The following CEP152 variants were observed in gnomAD, a reference collection of about 807,000 sequenced individuals.
The protein encoded by CEP152 is centrosomal protein 152, also known as centrosomal protein of 152 kDa.
A neutral mutation model predicts 188.9 loss-of-function variants in CEP152; 132 were observed. The ratio of observed to expected loss-of-function variants is 0.70; its 90% CI spans 0.61 to 0.81. The LOEUF is 0.81. Among genes scored for constraint, CEP152 ranks in the 30% least tolerant of loss-of-function variants. The probability of loss-of-function intolerance (pLI) is 0.00; values close to 1 mark genes in which losing one functional copy is unlikely to be tolerated. For missense variants in CEP152, 1,914 were observed against 1,969.8 expected, an observed-to-expected ratio of 0.97 and a Z score of 0.54; for synonymous variants, 649 against 666.6, an observed-to-expected ratio of 0.97 and a Z score of 0.41.
At chr15:48,776,932 G>T (rs1424077656) in intron 12 of CEP152, among the ~76,000 whole-genome samples, 1 of 151,846 alleles carries the variant, frequency 6.6e-6, no homozygotes, top group Non-Finnish European at 1.5e-5. Context: ...GACAGTATCT[G>T]CCCTTAAGAT....
intron 17 of CEP152, among the ~76,000 whole-genome samples, chr15:48,766,625 G>A (rs1325991725): frequency 1.3e-5 from 2 of 152,086 alleles, no homozygotes; most frequent in Non-Finnish European, 2.9e-5. Flanking sequence ...CTTCTCCCCA[G>A]AAGAATAAAA....
chr15:48,743,612 C>T (rs377601009), intron 24 of CEP152, among the ~76,000 whole-genome samples: 4 of 152,162 alleles, frequency 2.6e-5, no homozygotes, highest in Non-Finnish European at 5.9e-5. Flanking sequence ...CCCGTAATCC[C>T]AGCACTTTGC....
At chr15:48,798,405 T>C (rs1897462974) in intron 2 of CEP152, among the ~76,000 whole-genome samples, 1 of 152,140 alleles carries the variant, frequency 6.6e-6, no homozygotes, top group South Asian at 2.1e-4. Context: ...AGTCTCAGAA[T>C]CCTGTTTTAT....
intron 17 of CEP152, among the ~76,000 whole-genome samples, chr15:48,763,593 G>A (rs1157173505): frequency 6.6e-6 from 1 of 152,076 alleles, no homozygotes; most frequent in African/African-American, 2.4e-5. Context: ...AGAATCACTT[G>A]AACTCGGGAG....
rs754188936 is a variant in CEP152 at position 48,783,922 on chromosome 15, T to C, written c.1321+51A>G. ...GTCATGGATCCTACTACATTCTTTC[T>C]GCATATTGAACCAACCTTCTGGGGA... is the stretch of plus-strand genomic sequence containing the variant. On this transcript the variant is annotated intron_variant, in intron 10 of 26. Coordinates refer to ENST00000380950, the MANE Select transcript of CEP152 (RefSeq NM_001194998.2). The C allele has an allele frequency of 1.7e-5, 28 of 1,603,396 alleles. 1 individual carries two copies. Among genetic ancestry groups the C allele is most frequent in the Admixed American group, 6.7e-5 (4 of 59,856 alleles).
At chr15:48,787,172 T>TTTTTTTTTG (rs1896709780) in intron 9 of CEP152, among the ~76,000 whole-genome samples, 1 of 142,424 alleles carries the variant, frequency 7.0e-6, no homozygotes, top group African/African-American at 2.6e-5. Context: ...CGTTTTTTTT[T>TTTTTTTTTG]TTTTTTTTTT....
intron 24 of CEP152, among the ~76,000 whole-genome samples, chr15:48,742,386 C>T (rs1028958557): frequency 4.0e-5 from 6 of 151,804 alleles, no homozygotes; most frequent in Non-Finnish European, 5.9e-5. Context: ...AAACACTTAG[C>T]GAAGAAAATA....
chr15:48,789,779 G>GGAAATAGCAA (rs1896892681), intron 8 of CEP152, among the ~76,000 whole-genome samples: 1 of 152,102 alleles, frequency 6.6e-6, no homozygotes, highest in Non-Finnish European at 1.5e-5. Context: ...TCTAGAAGTT[G>GGAAATAGCAA]GAAATAGCAA....
chr15:48,804,219 G>A (rs968514575), intron 2 of CEP152, among the ~76,000 whole-genome samples: 2 of 152,252 alleles, frequency 1.3e-5, no homozygotes, highest in African/African-American at 4.8e-5. Context: ...ATGTTTTTTA[G>A]ATAAGCCAGA....
chr15:48,761,035 T>C (rs892567745), intron 18 of CEP152, among the ~76,000 whole-genome samples: 3 of 152,196 alleles, frequency 2.0e-5, no homozygotes, highest in Admixed American at 6.5e-5. Flanking sequence ...GGGGAAAAGA[T>C]AAAGCTCCTG....
chr15:48,762,484 G>A lies in CEP152; in HGVS notation c.2469C>T (p.Asn823=), dbSNP rs1046304428. The change falls in exon 18 of 27, where the codon AAC becomes AAT. Residue 823 remains asparagine (N), a synonymous_variant. Transcript: ENST00000380950. ...TGGCTATGTCCTTCTCTTGTTCTAA[G>A]TTTTGCTGGATTGTGCACTTCTGCT... The part of the protein sequence containing the change: ...IEEQKCTIQQ[N]LEQEKDIAIK... 1.2e-6 allele frequency: 2 copies of A among 1,613,912 alleles called. No homozygotes were observed. Among genetic ancestry groups the A allele is most frequent in the African/African-American group, 1.3e-5 (1 of 74,888 alleles).
intron 13 of CEP152, among the ~76,000 whole-genome samples, chr15:48,771,413 T>G (rs1895525729): frequency 6.6e-6 from 1 of 152,188 alleles, no homozygotes; most frequent in South Asian, 2.1e-4. Flanking sequence ...CATCACTATA[T>G]AATTAATGTC....
rs1894247965 is a variant in CEP152, at chr15:48,756,215, C to T, written c.3033G>A (p.Gln1011=). 6.2e-7 allele frequency: 1 copy of T among 1,612,840 alleles called. No homozygotes were observed. The highest frequency in any genetic ancestry group is 1.3e-5 in the African/African-American group (1 of 74,898). ...GACAAGTTTGTAATTCTGTCTCCTT[C>T]TGAAGAAGTAGTTCAGTTTTTTGTT... ...FMKQKTELLL[Q]KETELQTCLD... is the part of the protein sequence containing the mutation. Residue 1011 remains glutamine, a synonymous_variant, in exon 20 of 27, where the codon CAG becomes CAA. Transcript: ENST00000380950.
chr15:48,733,042 C>G (rs1246636818), downstream of CEP152, among the ~76,000 whole-genome samples: 1 of 152,048 alleles, frequency 6.6e-6, no homozygotes, highest in African/African-American at 2.4e-5. Flanking sequence ...CATGACTGCA[C>G]CACTGTACTC....
chr15:48,741,733 ATAGTT>A, intron 25 of CEP152, 29 bp from the exon 26 acceptor site: 3 of 1,613,670 alleles, frequency 1.9e-6, no homozygotes, highest in Non-Finnish European at 2.5e-6. Context: ...TATTAAAAAT[ATAGTT>A]TAAAGGAAAA....
rs376565093 is a variant in CEP152 at position 48,782,110 on chromosome 15, T to C, written c.1413+29A>G. On this transcript the variant is annotated intron_variant, in intron 11 of 26. Transcript: ENST00000380950. ...AACTACTGCCTAATTCAGATACCCA[T>C]AGAGCCTCTTCCAAGTGGCAACACT... 95 of 1,589,754 alleles carry C rather than the reference T, an allele frequency of 6.0e-5. No homozygotes were observed. In the South Asian group the frequency reaches 6.2e-4, roughly 10 times the overall value.
chr15:48,781,090 G>C (rs749748364), intron 12 of CEP152, 106 bp downstream of exon 12: 54 of 973,330 alleles, frequency 5.5e-5, no homozygotes, highest in Non-Finnish European at 8.6e-5. Flanking sequence ...AATACACAGT[G>C]TTAACATATG....
chr15:48,738,504 A>G lies in CEP152; in HGVS notation c.4878T>C (p.Ile1626=), dbSNP rs1892724760. The change falls in exon 27 of 27, where the codon ATT becomes ATC. Residue 1626 remains isoleucine, a synonymous_variant. Transcript: ENST00000380950. ...YLSDTEESNM[I]CQTMKCQRYQ... ...AACGCTGACATTTCATTGTTTGACA[A>G]ATCATATTACTTTCCTCTGTATCTG... The G allele has an allele frequency of 3.1e-6, 5 of 1,614,078 alleles. No homozygotes were observed. The highest frequency in any genetic ancestry group is 1.3e-5 in the African/African-American group (1 of 74,944).
chr15:48,805,477 C>A, intron 2 of CEP152, 86 bp downstream of exon 2: 2 of 1,488,880 alleles, frequency 1.3e-6, no homozygotes, highest in African/African-American at 1.4e-5. Flanking sequence ...CAAAATGACA[C>A]AAGATGATAC....
Sources: gnomAD v4.1 joint callset for allele counts (sites outside exome capture counted in the v4.1 genomes callset) on GRCh38, gnomAD v4.1.1 for gene constraint, MANE v1.5 for transcripts, NCBI Gene and HGNC (gene_info 2026-07-23, HGNC 2026-07-21) for gene names.